UNC5D: variants seen among roughly 807,000 people sequenced by gnomAD.
UNC5D encodes unc-5 netrin receptor D.
UNC5D carries 39 observed loss-of-function variants against 105.4 expected under a neutral mutation model. The ratio of observed to expected loss-of-function variants is 0.37; its 90% confidence interval spans 0.29 to 0.48. The LOEUF (loss-of-function observed/expected upper bound fraction) is 0.48. UNC5D is among the 20% of genes least tolerant of loss of function. The probability of loss-of-function intolerance (pLI) is 0.98; values close to 1 mark genes in which losing one functional copy is unlikely to be tolerated. For missense variants in UNC5D, 991 were observed against 1,202.4 expected, an observed-to-expected ratio of 0.82 and a Z score of 2.60; for synonymous variants, 452 against 450.4, an observed-to-expected ratio of 1.00 and a Z score of -0.04.
chr8:35,676,450 T>C (rs1313134790), intron 4 of UNC5D, among the ~76,000 whole-genome samples: 2 of 152,234 alleles, frequency 1.3e-5, no homozygotes, highest in Non-Finnish European at 2.9e-5. Flanking sequence ...GTCAGAAAGA[T>C]GACCTGTTAG....
intron 1 of UNC5D, among the ~76,000 whole-genome samples, chr8:35,484,469 G>A (rs565973196): frequency 1.7e-4 from 26 of 151,724 alleles, no homozygotes; most frequent in African/African-American, 5.3e-4. Flanking sequence ...CAGTCTCCTC[G>A]CTCCCACATG....
At chr8:35,619,889 G>GT (rs1821251290) in intron 4 of UNC5D, among the ~76,000 whole-genome samples, 2 of 152,184 alleles carry the variant, frequency 1.3e-5, no homozygotes, top group Non-Finnish European at 2.9e-5. Flanking sequence ...CGGAGATTAT[G>GT]AGAGACAGTG....
intron 1 of UNC5D, among the ~76,000 whole-genome samples, chr8:35,329,300 T>G (rs1446570550): frequency 2.0e-5 from 3 of 152,014 alleles, no homozygotes; most frequent in Admixed American, 2.0e-4. Context: ...TTTTGTCCTC[T>G]AGGAAGATTA....
Position 35,719,138 on chromosome 8 carries a change from TTA to T in UNC5D, c.1118-3069_1118-3068del, listed in dbSNP as rs1301492344. On this transcript the variant is annotated intron_variant, in intron 8 of 16. Coordinates refer to ENST00000404895, the MANE Select transcript of UNC5D (RefSeq NM_080872.4). Reference sequence around the variant, plus strand: ...GGGCACTGCTTACATGCACATGTGCTTATACACACACACACACACACACACAC... The same window carrying T: ...GGGCACTGCTTACATGCACATGTGCTTACACACACACACACACACACACAC... Among the ~76,000 whole-genome samples the T allele has an allele frequency of 7.4e-5, 5 of 67,574 alleles. No individual in the cohort carries two copies. The South Asian group carries it at 2.9e-3, about 39-fold the overall frequency. The allele number at this position is 67,574 out of a possible 152,430, so 44.3% of individuals were successfully genotyped here.
intron 16 of UNC5D, among the ~76,000 whole-genome samples, chr8:35,787,995 AG>A (rs746075502): frequency 6.6e-6 from 1 of 152,214 alleles, no homozygotes; most frequent in Non-Finnish European, 1.5e-5. Context: ...TAAAGAAAAA[AG>A]AAAAGGAGGA....
chr8:35,687,856 C>G (rs1826121036), intron 7 of UNC5D, among the ~76,000 whole-genome samples: 1 of 152,102 alleles, frequency 6.6e-6, no homozygotes, highest in South Asian at 2.1e-4. Context: ...CTCTTCTCCA[C>G]TCACCCACTT....
intron 1 of UNC5D, among the ~76,000 whole-genome samples, chr8:35,404,336 G>T (rs891649844): frequency 6.6e-5 from 10 of 152,140 alleles, no homozygotes; most frequent in Non-Finnish European, 2.9e-5. Context: ...GTACCATCCT[G>T]ACACCCAGCA....
intron 1 of UNC5D, among the ~76,000 whole-genome samples, chr8:35,512,535 G>GTATATATATATA (rs71887063): frequency 9.0e-5 from 3 of 33,428 alleles, no homozygotes; most frequent in African/African-American, 4.4e-4. Context: ...ATTCAGATAT[G>GTATATATATATA]TATGTATATA....
intron 1 of UNC5D, among the ~76,000 whole-genome samples, chr8:35,364,020 T>C (rs1273589313): frequency 6.6e-6 from 1 of 151,906 alleles, no homozygotes. Context: ...CTGCCTCTAA[T>C]AAAAAACACA....
chr8:35,556,494 A>G (rs1821958), intron 2 of UNC5D, among the ~76,000 whole-genome samples: 69,676 of 151,874 alleles, frequency 0.46, 19,995 homozygotes, highest in African/African-American at 0.81. Context: ...GGGAAAGTCC[A>G]CAGTGCAAAG....
chr8:35,589,990 A>G (rs934572128), intron 3 of UNC5D, among the ~76,000 whole-genome samples: 5 of 152,188 alleles, frequency 3.3e-5, no homozygotes, highest in African/African-American at 1.2e-4. Context: ...ATTATTACTT[A>G]AACAAAACTA....
chr8:35,249,317 G>C (rs1357128117), intron 1 of UNC5D, among the ~76,000 whole-genome samples: 1 of 149,482 alleles, frequency 6.7e-6, no homozygotes, highest in South Asian at 2.1e-4. Flanking sequence ...CAGCACTTTG[G>C]GAAGCCAAGG....
intron 10 of UNC5D, chr8:35,726,823 A>G: frequency 2.6e-6 from 1 of 387,156 alleles, no homozygotes; most frequent in South Asian, 4.8e-5. Flanking sequence ...GCCCCTTTGG[A>G]GTATATTTCC....
chr8:35,607,664 G>A (rs1820390123), intron 4 of UNC5D, among the ~76,000 whole-genome samples: 1 of 152,118 alleles, frequency 6.6e-6, no homozygotes, highest in African/African-American at 2.4e-5. Context: ...ATATTTAATA[G>A]TTTTATAAGG....
At chr8:35,779,479 G>T (rs1477828859) in intron 16 of UNC5D, among the ~76,000 whole-genome samples, 1 of 151,988 alleles carries the variant, frequency 6.6e-6, no homozygotes, top group African/African-American at 2.4e-5. Flanking sequence ...TTTGTTTTGC[G>T]ATGGAGTCTT....
At chr8:35,716,110 G>A (rs1336577828) in intron 8 of UNC5D, among the ~76,000 whole-genome samples, 1 of 152,204 alleles carries the variant, frequency 6.6e-6, no homozygotes, top group Non-Finnish European at 1.5e-5. Flanking sequence ...TGCCGGTATG[G>A]AGAGAGCAGA....
At chr8:35,726,696 T>C (rs774243093) in intron 10 of UNC5D, 167 bp downstream of exon 10, 89 of 1,053,468 alleles carry the variant, frequency 8.4e-5, no homozygotes, top group Non-Finnish European at 1.2e-4. Context: ...CCAGAACCAA[T>C]GCTGAGATTA....
At chr8:35,483,068 G>T (rs929833422) in intron 1 of UNC5D, among the ~76,000 whole-genome samples, 1 of 151,994 alleles carries the variant, frequency 6.6e-6, no homozygotes, top group Non-Finnish European at 1.5e-5. Context: ...CTCCCAAAGT[G>T]CTGGGATTAC....
intron 9 of UNC5D, chr8:35,724,317 A>C: frequency 6.5e-7 from 1 of 1,534,792 alleles, no homozygotes; most frequent in Non-Finnish European, 8.7e-7. Flanking sequence ...CCCTGCATTT[A>C]TTATGGTAAT....
Sources: gnomAD v4.1 joint callset for allele counts (sites outside exome capture counted in the v4.1 genomes callset) on GRCh38, gnomAD v4.1.1 for gene constraint, MANE v1.5 for transcripts, NCBI Gene and HGNC (gene_info 2026-07-23, HGNC 2026-07-21) for gene names.